Variants in RASA2 observed in about 807,000 individuals in gnomAD.
RASA2 encodes ras GTPase-activating protein 2.
RASA2 carries 155 observed loss-of-function variants against 118.2 expected under a neutral mutation model. The observed-to-expected ratio is 1.31, with a 90% CI of 1.15 to 1.50. The LOEUF (loss-of-function observed/expected upper bound fraction) is 1.50, where lower values mean the gene tolerates loss of function less well. Ranked by LOEUF, RASA2 falls within the 40% of genes most tolerant of loss-of-function variation. The probability of loss-of-function intolerance (pLI) is 0.00; values close to 1 mark genes in which losing one functional copy is unlikely to be tolerated. For missense variants in RASA2, 1,016 were observed against 1,009.6 expected, an observed-to-expected ratio of 1.01 and a Z score of -0.09; for synonymous variants, 353 against 349.1, an observed-to-expected ratio of 1.01 and a Z score of -0.12.
intron 19 of RASA2, among the ~76,000 whole-genome samples, chr3:141,593,508 G>A (rs1210463985): frequency 7.2e-5 from 11 of 152,106 alleles, no homozygotes; most frequent in Admixed American, 7.2e-4. Context: ...GGCATAAAGA[G>A]GAGTTCTTCA....
intron 17 of RASA2, among the ~76,000 whole-genome samples, chr3:141,585,142 T>A (rs1030166828): frequency 2.0e-5 from 3 of 152,158 alleles, no homozygotes; most frequent in African/African-American, 7.2e-5. Flanking sequence ...GTTCACAATC[T>A]TATATGTAAA....
rs894663670 is a variant in RASA2 at position 141,576,068 on chromosome 3, C to T, written c.1484-932C>T. The stretch of plus-strand genomic sequence containing the variant: ...CTGGAATTACGGGCGTGGGCCACCG[C>T]GCCCGGCCAACACTTTATGTTTTTA... On this transcript the variant is annotated intron_variant, in intron 14 of 23. Coordinates refer to ENST00000286364, the MANE Select transcript of RASA2 (RefSeq NM_006506.5). 9.2e-5 allele frequency among the ~76,000 whole-genome samples: 14 copies of T among 152,302 alleles called. 1 individual carries two copies. In the East Asian group the frequency reaches 1.5e-3, roughly 17 times the overall value.
At chr3:141,516,932 C>T (rs1477365588) in intron 3 of RASA2, among the ~76,000 whole-genome samples, 2 of 152,150 alleles carry the variant, frequency 1.3e-5, no homozygotes, top group Non-Finnish European at 2.9e-5. Context: ...TGCCACCACG[C>T]CTAGCCAATT....
chr3:141,562,128 T>C (rs1271005513), intron 9 of RASA2, among the ~76,000 whole-genome samples: 2 of 151,810 alleles, frequency 1.3e-5, no homozygotes, highest in Non-Finnish European at 2.9e-5. Context: ...AATTTTTGTA[T>C]TTTTAGTAGA....
At chr3:141,558,407 A>G (rs896368199) in intron 7 of RASA2, among the ~76,000 whole-genome samples, 8 of 152,196 alleles carry the variant, frequency 5.3e-5, no homozygotes. Flanking sequence ...GGGAAAGGAG[A>G]TACAGTTGTA....
At chr3:141,499,315 A>G (rs2081745365) in intron 1 of RASA2, among the ~76,000 whole-genome samples, 1 of 152,188 alleles carries the variant, frequency 6.6e-6, no homozygotes, top group Non-Finnish European at 1.5e-5. Context: ...TTGTACTTAT[A>G]TATAGTTCAG....
At chr3:141,496,490 A>G (rs1162804893) in intron 1 of RASA2, among the ~76,000 whole-genome samples, 1 of 152,230 alleles carries the variant, frequency 6.6e-6, no homozygotes, top group Non-Finnish European at 1.5e-5. Context: ...CAACCCCATG[A>G]AAAAGTGGGT....
At chr3:141,573,298 A>G (rs974265867) in intron 13 of RASA2, 77 bp downstream of exon 13, 14 of 1,416,016 alleles carry the variant, frequency 9.9e-6, no homozygotes, top group African/African-American at 7.6e-5. Context: ...TTACATTATG[A>G]TAAAGCCATA....
intron 23 of RASA2, 72 bp downstream of exon 23, chr3:141,610,138 C>T: frequency 7.7e-7 from 1 of 1,296,802 alleles, no homozygotes; most frequent in Non-Finnish European, 1.0e-6. Context: ...GCCCCAACCT[C>T]ACACCTCCTG....
At position 141,529,774 on chromosome 3, in the gene RASA2, A is replaced by T. The variant is rs757638704; in HGVS notation, c.422A>T (p.Gln141Leu). 2 of 1,611,032 alleles carry T rather than the reference A, an allele frequency of 1.2e-6. No individual in the cohort carries two copies. The highest frequency in any genetic ancestry group is 2.7e-5 in the African/African-American group (2 of 74,828). ...GGCAAAGAAACTTGGTTTTCATTAC[A>T]GCCTGTTGACTCCAATTCAGAGGTT... ...HSGKETWFSL[Q>L]PVDSNSEVQG... Residue 141 changes from glutamine (Q) to leucine (L), a missense_variant, in exon 4 of 24, where the codon CAG (glutamine) becomes CTG (leucine). Gln to Leu is a moderately radical substitution (Grantham distance 113). Transcript: ENST00000286364.
rs773783467 is a variant in RASA2 at position 141,610,000 on chromosome 3, A to G, written c.2453A>G (p.Glu818Gly). 8 of 1,606,534 alleles carry G rather than the reference A, an allele frequency of 5.0e-6. No individual in the cohort carries two copies. The highest frequency in any genetic ancestry group is 3.4e-5 in the Admixed American group (2 of 58,864). Residue 818 changes from glutamate (E) to glycine (G), a missense_variant, in exon 23 of 24, where the codon GAG becomes GGG. Glu to Gly is a moderately conservative substitution (Grantham distance 98). Coordinates refer to ENST00000286364, the MANE Select transcript of RASA2 (RefSeq NM_006506.5). The part of the protein sequence containing the change: ...KTIQQIKSII[E>G]KLDEPHEKYR... Reference sequence around the variant, plus strand: ...ATTCAGCAAATAAAAAGCATAATTGAGAAGCTGGATGAACCTCATGAAAAA... The same window carrying G: ...ATTCAGCAAATAAAAAGCATAATTGGGAAGCTGGATGAACCTCATGAAAAA...
chr3:141,555,628 A>G (rs1055438553), intron 6 of RASA2, among the ~76,000 whole-genome samples: 2 of 151,514 alleles, frequency 1.3e-5, no homozygotes, highest in African/African-American at 2.4e-5. Flanking sequence ...GAATAATACA[A>G]TCTTGGCACA....
At chr3:141,521,758 C>A (rs890044040) in intron 3 of RASA2, among the ~76,000 whole-genome samples, 3 of 151,968 alleles carry the variant, frequency 2.0e-5, no homozygotes, top group Non-Finnish European at 2.9e-5. Flanking sequence ...ACAGAAAATT[C>A]TTTTTCCTTT....
At position 141,487,226 on chromosome 3, in the gene RASA2, G is replaced by T. The variant is rs775544477; in HGVS notation, c.133+10G>T. 2.2e-6 allele frequency: 3 copies of T among 1,389,908 alleles called. No homozygotes were observed. Among genetic ancestry groups the T allele is most frequent in the African/African-American group, 3.0e-5 (2 of 67,012 alleles). The allele number at this position is 1,389,908 out of a possible 1,614,324, so 86.1% of individuals were successfully genotyped here. On this transcript the variant is annotated intron_variant, in intron 1 of 23. Coordinates refer to ENST00000286364, the MANE Select transcript of RASA2 (RefSeq NM_006506.5). ...CTGCGGGGCAAGATCTGTAAGCGGG[G>T]GCTGGGCTGAGGGGACGCCCTGGCG...
At chr3:141,590,078 T>C (rs1043742839) in intron 19 of RASA2, 3 of 454,198 alleles carry the variant, frequency 6.6e-6, no homozygotes, top group African/African-American at 6.0e-5. Flanking sequence ...TTTTAACTAT[T>C]TTGATGGATT....
intron 15 of RASA2, among the ~76,000 whole-genome samples, chr3:141,577,680 A>C (rs1035813995): frequency 6.6e-6 from 1 of 152,230 alleles, no homozygotes; most frequent in Admixed American, 6.5e-5. Context: ...CATTAACAGT[A>C]AAAACAGAAA....
At chr3:141,600,229 G>T in intron 19 of RASA2, 1 of 486,760 alleles carries the variant, frequency 2.1e-6, no homozygotes. Flanking sequence ...GTGTAAAAAG[G>T]TTTCTTGAAG....
intron 9 of RASA2, among the ~76,000 whole-genome samples, chr3:141,568,979 A>G (rs2082868465): frequency 6.6e-6 from 1 of 152,092 alleles, no homozygotes; most frequent in African/African-American, 2.4e-5. Flanking sequence ...TATCAGTGTT[A>G]GTATTGATCA....
chr3:141,591,114 A>G (rs1319863176), intron 19 of RASA2, among the ~76,000 whole-genome samples: 2 of 152,186 alleles, frequency 1.3e-5, no homozygotes, highest in African/African-American at 4.8e-5. Context: ...ATATGCGGAG[A>G]TCAAACTAGT....
Sources: allele counts gnomAD v4.1 joint callset (sites outside exome capture counted in the v4.1 genomes callset), GRCh38; gene constraint gnomAD v4.1.1; transcripts MANE v1.5; gene names NCBI Gene and HGNC (gene_info 2026-07-23, HGNC 2026-07-21).